The following ASTN1 variants were observed in gnomAD, a reference collection of about 807,000 sequenced individuals.
ASTN1 encodes the protein astrotactin 1.
ASTN1 carries 41 observed loss-of-function variants against 140.7 expected under a neutral mutation model. That is an observed-to-expected ratio of 0.29 (90% confidence interval 0.23 to 0.38). The LOEUF (loss-of-function observed/expected upper bound fraction) is 0.38, where lower values mean the gene tolerates loss of function less well. Among genes scored for constraint, ASTN1 ranks in the 10% least tolerant of loss-of-function variants. The probability of loss-of-function intolerance (pLI) is 1.00; values close to 1 mark genes in which losing one functional copy is unlikely to be tolerated. For missense variants in ASTN1, 1,479 were observed against 1,678.8 expected (o/e 0.88, Z 2.08); for synonymous variants, 640 against 652.2 (o/e 0.98, Z 0.29).
At chr1:177,007,567 A>T (rs576772546) in intron 8 of ASTN1, among the ~76,000 whole-genome samples, 14 of 152,256 alleles carry the variant, frequency 9.2e-5, no homozygotes, top group African/African-American at 3.1e-4. Context: ...TGCTTCAGAA[A>T]CATCTGTGGG....
chr1:176,991,303 C>T (rs1430897161), intron 8 of ASTN1, among the ~76,000 whole-genome samples: 1 of 151,772 alleles, frequency 6.6e-6, no homozygotes, highest in Non-Finnish European at 1.5e-5. Context: ...ATCCCAGCTA[C>T]TCAGGAGGCT....
At chr1:177,074,236 C>A (rs931660907) in intron 1 of ASTN1, among the ~76,000 whole-genome samples, 11 of 152,214 alleles carry the variant, frequency 7.2e-5, no homozygotes, top group Admixed American at 3.3e-4. Context: ...TGCCCTCTAA[C>A]ACTGATCTTC....
intron 8 of ASTN1, among the ~76,000 whole-genome samples, chr1:176,998,863 T>G (rs1448529460): frequency 6.6e-6 from 1 of 152,182 alleles, no homozygotes; most frequent in African/African-American, 2.4e-5. Flanking sequence ...TGCCTAGGCT[T>G]GAATCCCAAA....
chr1:176,996,153 T>C (rs1488237601), intron 8 of ASTN1, among the ~76,000 whole-genome samples: 2 of 151,996 alleles, frequency 1.3e-5, no homozygotes, highest in Non-Finnish European at 2.9e-5. Context: ...AATTATTTCA[T>C]TCACAATAGC....
chr1:177,005,659 T>C (rs1383214906), intron 8 of ASTN1, among the ~76,000 whole-genome samples: 1 of 152,204 alleles, frequency 6.6e-6, no homozygotes, highest in Non-Finnish European at 1.5e-5. Context: ...TGTGTACACA[T>C]ATATATAAAA....
chr1:176,876,068 A>G (rs111733610), intron 21 of ASTN1, among the ~76,000 whole-genome samples: 55 of 152,324 alleles, frequency 3.6e-4, no homozygotes, highest in African/African-American at 1.2e-3. Flanking sequence ...TTCAAAATAT[A>G]CAATTAAAAA....
At chr1:176,908,002 G>A (rs573631784) in intron 16 of ASTN1, among the ~76,000 whole-genome samples, 1 of 152,246 alleles carries the variant, frequency 6.6e-6, no homozygotes, top group East Asian at 1.9e-4. Flanking sequence ...ACTGAGGAAG[G>A]TGGAAGCTGT....
chr1:177,115,140 C>T (rs141334282), intron 1 of ASTN1, among the ~76,000 whole-genome samples: 1 of 152,198 alleles, frequency 6.6e-6, no homozygotes, highest in African/African-American at 2.4e-5. Context: ...ACCCATTTCA[C>T]CCACAAGGAT....
At chr1:177,089,479 T>C (rs1679637253) in intron 1 of ASTN1, among the ~76,000 whole-genome samples, 1 of 151,894 alleles carries the variant, frequency 6.6e-6, no homozygotes, top group Admixed American at 6.6e-5. Flanking sequence ...ACCCTGAAAA[T>C]GTTTGCGACA....
At chr1:176,864,598 G>C (rs1668071203) in intron 22 of ASTN1, 77 bp from the exon 23 acceptor site, 2 of 1,552,890 alleles carry the variant, frequency 1.3e-6, no homozygotes, top group Middle Eastern at 1.9e-4. Context: ...GTTAGTGTGA[G>C]ACTCTAAACT....
At chr1:176,875,993 A>C (rs1445647888) in intron 21 of ASTN1, among the ~76,000 whole-genome samples, 1 of 152,172 alleles carries the variant, frequency 6.6e-6, no homozygotes, top group East Asian at 1.9e-4. Flanking sequence ...ATTAACAGGG[A>C]CTGATCCTGC....
intron 12 of ASTN1, among the ~76,000 whole-genome samples, chr1:176,948,172 A>G (rs1229394206): frequency 6.6e-6 from 1 of 152,208 alleles, no homozygotes; most frequent in Non-Finnish European, 1.5e-5. Context: ...TTGCAAGCCT[A>G]TCAGACTGTG....
rs535873380 is a variant in ASTN1, at chr1:177,053,908, G to A, written c.471+7170C>T. ...GGGGTTAGCTGCCTGGTGTAGCCAC[G>A]GAAAGAAAATTTGTGTTCCATCATG... On this transcript the variant is annotated intron_variant, in intron 2 of 22. Transcript: ENST00000361833. Among the ~76,000 whole-genome samples the A allele has an allele frequency of 1.2e-4, 19 of 152,266 alleles. No homozygotes were observed. The East Asian group carries it at 1.4e-3, about 11-fold the overall frequency.
chr1:176,907,028 A>T (rs1270901810), intron 16 of ASTN1, among the ~76,000 whole-genome samples: 1 of 152,144 alleles, frequency 6.6e-6, no homozygotes, highest in Non-Finnish European at 1.5e-5. Flanking sequence ...TTCATATAGA[A>T]ACCAGTCAAT....
At chr1:177,133,497 C>G (rs1381655216) in intron 1 of ASTN1, among the ~76,000 whole-genome samples, 3 of 152,166 alleles carry the variant, frequency 2.0e-5, no homozygotes, top group Non-Finnish European at 2.9e-5. Flanking sequence ...ACTCATCAAG[C>G]CTTTCTCTTT....
chr1:176,874,749 A>G (rs1402629716), intron 21 of ASTN1, among the ~76,000 whole-genome samples: 3 of 152,142 alleles, frequency 2.0e-5, no homozygotes, highest in Admixed American at 2.0e-4. Flanking sequence ...TTTTAAATTA[A>G]TTAAGTCATT....
intron 14 of ASTN1, among the ~76,000 whole-genome samples, chr1:176,937,881 C>T (rs1671516356): frequency 6.6e-6 from 1 of 152,058 alleles, no homozygotes; most frequent in South Asian, 2.1e-4. Context: ...TAATTTAATG[C>T]TTAAACTGGA....
chr1:177,086,653 T>A (rs903947864), intron 1 of ASTN1, among the ~76,000 whole-genome samples: 1 of 152,210 alleles, frequency 6.6e-6, no homozygotes, highest in African/African-American at 2.4e-5. Flanking sequence ...AATGATTTTT[T>A]AAAAAACTTT....
intron 1 of ASTN1, among the ~76,000 whole-genome samples, chr1:177,086,408 A>T (rs1679471691): frequency 6.6e-6 from 1 of 152,192 alleles, no homozygotes; most frequent in Non-Finnish European, 1.5e-5. Context: ...AAACCAAACA[A>T]CATCAACAAT....
Sources: allele counts gnomAD v4.1 joint callset (sites outside exome capture counted in the v4.1 genomes callset), GRCh38; gene constraint gnomAD v4.1.1; transcripts MANE v1.5; gene names NCBI Gene and HGNC (gene_info 2026-07-23, HGNC 2026-07-21).